Variants in IGF2BP2 observed in about 807,000 individuals in gnomAD.
The protein encoded by IGF2BP2 is insulin like growth factor 2 mRNA binding protein 2.
A neutral mutation model predicts 75.8 loss-of-function variants in IGF2BP2; 17 were observed. The ratio of observed to expected loss-of-function variants is 0.22; its 90% CI spans 0.15 to 0.34. The LOEUF (loss-of-function observed/expected upper bound fraction) is 0.34. IGF2BP2 is among the 10% of genes least tolerant of loss of function. The pLI, the probability that IGF2BP2 is intolerant of heterozygous loss-of-function variation, is 1.00. For missense variants in IGF2BP2, 516 were observed against 772.4 expected, an observed-to-expected ratio of 0.67 and a Z score of 3.93; for synonymous variants, 288 against 295.6, an observed-to-expected ratio of 0.97 and a Z score of 0.26.
chr3:185,734,322 GGTGAA>G (rs1359254285), intron 2 of IGF2BP2, among the ~76,000 whole-genome samples: 2 of 152,192 alleles, frequency 1.3e-5, no homozygotes, highest in Admixed American at 6.5e-5. Flanking sequence ...CACACTCAGA[GGTGAA>G]GTGACTTGCC....
chr3:185,759,518 G>A (rs1732073414), intron 2 of IGF2BP2, among the ~76,000 whole-genome samples: 2 of 152,188 alleles, frequency 1.3e-5, no homozygotes, highest in Non-Finnish European at 2.9e-5. Flanking sequence ...AAAATGAACT[G>A]TAAAGGGCGA....
intron 2 of IGF2BP2, among the ~76,000 whole-genome samples, chr3:185,783,972 C>T (rs919297829): frequency 6.6e-6 from 1 of 152,146 alleles, no homozygotes; most frequent in Non-Finnish European, 1.5e-5. Context: ...AGGTGGCTCA[C>T]GTCAGTAATC....
intron 2 of IGF2BP2, among the ~76,000 whole-genome samples, chr3:185,736,530 C>A (rs1215031956): frequency 6.6e-6 from 1 of 152,172 alleles, no homozygotes; most frequent in Non-Finnish European, 1.5e-5. Context: ...ACCATCATTC[C>A]CTACCCATGC....
chr3:185,697,233 G>A (rs1659438440), intron 3 of IGF2BP2, among the ~76,000 whole-genome samples: 2 of 152,146 alleles, frequency 1.3e-5, no homozygotes, highest in African/African-American at 4.8e-5. Context: ...AGCCTCCCGA[G>A]TAGCTGGGAC....
At chr3:185,649,214 G>A (rs73175556) in intron 14 of IGF2BP2, among the ~76,000 whole-genome samples, 189 bp downstream of exon 14, 10 of 152,140 alleles carry the variant, frequency 6.6e-5, no homozygotes, top group Admixed American at 1.3e-4. Flanking sequence ...GAGTGAAGCC[G>A]ATGACATTTT....
chr3:185,804,066 G>C (rs2149962514), intron 2 of IGF2BP2, among the ~76,000 whole-genome samples: 1 of 152,284 alleles, frequency 6.6e-6, no homozygotes, highest in South Asian at 2.1e-4. Flanking sequence ...AGACCAGCCT[G>C]GCTGAGATGG....
chr3:185,795,349 C>T (rs1409168070), intron 2 of IGF2BP2, among the ~76,000 whole-genome samples: 1 of 152,138 alleles, frequency 6.6e-6, no homozygotes, highest in Non-Finnish European at 1.5e-5. Flanking sequence ...ATGTCCATAC[C>T]ACATTTGTTT....
chr3:185,711,607 G>C lies in IGF2BP2; in HGVS notation c.240-13260C>G, dbSNP rs1017196469. ...CCCACCAGCAGAGAGGTGCACATGGGAGTCAATACCTGAAGTGAATAACGG... is the reference window on the plus strand; with the variant it reads ...CCCACCAGCAGAGAGGTGCACATGGCAGTCAATACCTGAAGTGAATAACGG... On this transcript the variant is annotated intron_variant, in intron 2 of 15. Transcript: ENST00000382199. 3.9e-5 allele frequency among the ~76,000 whole-genome samples: 6 copies of C among 152,340 alleles called. No individual in the cohort carries two copies. The East Asian group carries it at 9.6e-4, about 24-fold the overall frequency.
At chr3:185,698,217 G>A in intron 3 of IGF2BP2, 82 bp downstream of exon 3, 2 of 1,187,980 alleles carry the variant, frequency 1.7e-6, no homozygotes, top group East Asian at 2.3e-5. Context: ...AAACACTGAG[G>A]CCCTCTAATT....
intron 2 of IGF2BP2, chr3:185,821,109 A>G: frequency 6.6e-7 from 1 of 1,526,362 alleles, no homozygotes; most frequent in Non-Finnish European, 8.7e-7. Flanking sequence ...AATACCGGTC[A>G]TTAGCTATCT....
At chr3:185,775,344 G>A (rs1045351563) in intron 2 of IGF2BP2, among the ~76,000 whole-genome samples, 6 of 152,192 alleles carry the variant, frequency 3.9e-5, no homozygotes, top group African/African-American at 1.4e-4. Flanking sequence ...ACATTTCAAT[G>A]AACACTTATG....
At chr3:185,669,584 G>C (rs907857021) in intron 10 of IGF2BP2, among the ~76,000 whole-genome samples, 3 of 140,322 alleles carry the variant, frequency 2.1e-5, no homozygotes, top group Non-Finnish European at 4.6e-5. Context: ...AGGGGGGGGG[G>C]TAAAGTTTTC....
intron 7 of IGF2BP2, among the ~76,000 whole-genome samples, chr3:185,677,009 T>TATATA (rs1294806915): frequency 4.9e-5 from 5 of 103,056 alleles, no homozygotes; most frequent in East Asian, 2.9e-4. Flanking sequence ...TATGGAGAGA[T>TATATA]TATATATATG....
intron 14 of IGF2BP2, 71 bp downstream of exon 14, chr3:185,649,332 T>C: frequency 2.5e-6 from 4 of 1,582,398 alleles, no homozygotes; most frequent in Non-Finnish European, 3.4e-6. Context: ...AAGGGGAGAC[T>C]GAGGGAACTC....
chr3:185,823,932 CCT>C, intron 1 of IGF2BP2, among the ~76,000 whole-genome samples: 1 of 151,986 alleles, frequency 6.6e-6, no homozygotes, highest in East Asian at 1.9e-4. Context: ...CCCCCGGTCG[CCT>C]CTTTCCCGGT....
intron 2 of IGF2BP2, among the ~76,000 whole-genome samples, chr3:185,750,474 C>CCTGA (rs540474655): frequency 1.0e-3 from 153 of 152,300 alleles, no homozygotes; most frequent in African/African-American, 3.7e-3. Context: ...GTAAGACACA[C>CCTGA]CTGAGTATCT....
chr3:185,726,480 A>C (rs1053177582), intron 2 of IGF2BP2, among the ~76,000 whole-genome samples: 2 of 152,246 alleles, frequency 1.3e-5, no homozygotes, highest in Non-Finnish European at 2.9e-5. Flanking sequence ...CTAAAGGTAT[A>C]AAGTGGGCAC....
intron 2 of IGF2BP2, among the ~76,000 whole-genome samples, chr3:185,732,297 G>C (rs980392411): frequency 6.6e-6 from 1 of 152,164 alleles, no homozygotes; most frequent in East Asian, 1.9e-4. Context: ...ACTCAGAAAA[G>C]ATCTGTTGGA....
Position 185,657,291 on chromosome 3 carries a change from T to C in IGF2BP2, c.1381A>G (p.Ile461Val), listed in dbSNP as rs768897785. The change falls in exon 12 of 16, where the codon ATC (isoleucine) becomes GTC (valine). Residue 461 changes from isoleucine (I) to valine (V), a missense_variant. By Grantham distance (29) the Ile-to-Val change is conservative. Coordinates refer to ENST00000382199, the MANE Select transcript of IGF2BP2 (RefSeq NM_006548.6). ...KQLARFAGAS[I>V]KIAPAEGPDV... ...GCCGTCAGGAGCAGCCTCACCTTGATAGAGGCTCCGGCGAATCTCGCCAGC... is the reference window on the plus strand; with the variant it reads ...GCCGTCAGGAGCAGCCTCACCTTGACAGAGGCTCCGGCGAATCTCGCCAGC... 6 of 1,610,312 alleles carry C rather than the reference T, an allele frequency of 3.7e-6. No individual in the cohort carries two copies. Among genetic ancestry groups the C allele is most frequent in the East Asian group, 4.5e-5 (2 of 44,878 alleles).
Sources: gnomAD v4.1 joint callset for allele counts (sites outside exome capture counted in the v4.1 genomes callset) on GRCh38, gnomAD v4.1.1 for gene constraint, MANE v1.5 for transcripts, NCBI Gene and HGNC (gene_info 2026-07-23, HGNC 2026-07-21) for gene names.